SRPK2: variants seen among roughly 807,000 people sequenced by gnomAD.
SRPK2 encodes SFRS protein kinase 2.
In SRPK2, 21 loss-of-function variants were observed where a neutral mutation model predicts 90.8. The ratio of observed to expected loss-of-function variants is 0.23; its 90% confidence interval spans 0.16 to 0.33. The LOEUF is 0.33. SRPK2 is among the 10% of genes least tolerant of loss of function. The pLI, the probability that SRPK2 is intolerant of heterozygous loss-of-function variation, is 1.00. For synonymous variants in SRPK2, 288 were observed against 311.1 expected, an observed-to-expected ratio of 0.93 and a Z score of 0.78; for missense variants, 620 against 869.0, an observed-to-expected ratio of 0.71 and a Z score of 3.60.
chr7:105,218,961 G>A (rs557560788), intron 2 of SRPK2, among the ~76,000 whole-genome samples: 1 of 152,092 alleles, frequency 6.6e-6, no homozygotes, highest in South Asian at 2.1e-4. Context: ...AATGAGAATA[G>A]AGAAGAGATG....
At chr7:105,244,690 G>T in intron 2 of SRPK2, 1 of 1,143,162 alleles carries the variant, frequency 8.7e-7, no homozygotes, top group Non-Finnish European at 1.3e-6. Context: ...GCCTCAACAA[G>T]GGCCAAAAGG....
intron 2 of SRPK2, among the ~76,000 whole-genome samples, chr7:105,347,843 C>T (rs1185280264): frequency 6.9e-6 from 1 of 145,162 alleles, no homozygotes; most frequent in African/African-American, 2.6e-5. Flanking sequence ...GGTGACAGGG[C>T]GAGACTCCGT....
intron 2 of SRPK2, among the ~76,000 whole-genome samples, chr7:105,280,781 A>G (rs946852449): frequency 2.0e-5 from 3 of 150,902 alleles, no homozygotes; most frequent in Non-Finnish European, 4.4e-5. Context: ...CCCCGTCTCT[A>G]CTAAAAATAC....
At chr7:105,266,310 C>A (rs1182789348) in intron 2 of SRPK2, among the ~76,000 whole-genome samples, 1 of 152,036 alleles carries the variant, frequency 6.6e-6, no homozygotes, top group Non-Finnish European at 1.5e-5. Flanking sequence ...TAAGCTCTTG[C>A]AAGACTAGCA....
chr7:105,139,550 C>T (rs908910435), intron 11 of SRPK2, among the ~76,000 whole-genome samples: 2 of 152,116 alleles, frequency 1.3e-5, no homozygotes, highest in Non-Finnish European at 2.9e-5. Context: ...TTTGAAGTTT[C>T]CTGTGACACA....
intron 3 of SRPK2, among the ~76,000 whole-genome samples, chr7:105,170,894 A>C (rs1266348001): frequency 9.7e-6 from 1 of 102,914 alleles, no homozygotes; most frequent in East Asian, 2.7e-4. Context: ...AAAGAAAGAA[A>C]GAAAGAAAGA....
chr7:105,177,661 A>G (rs1436522953), intron 3 of SRPK2, among the ~76,000 whole-genome samples: 1 of 152,176 alleles, frequency 6.6e-6, no homozygotes, highest in Non-Finnish European at 1.5e-5. Flanking sequence ...CAGGGAGTTC[A>G]TAGGTTATCA....
intron 3 of SRPK2, among the ~76,000 whole-genome samples, chr7:105,200,909 G>A (rs1272539035): frequency 6.6e-6 from 1 of 152,220 alleles, no homozygotes; most frequent in Non-Finnish European, 1.5e-5. Context: ...GCAACTGGCA[G>A]TACCTGATAA....
At chr7:105,263,863 TTAAA>T in intron 2 of SRPK2, among the ~76,000 whole-genome samples, 1 of 151,888 alleles carries the variant, frequency 6.6e-6, no homozygotes. Flanking sequence ...CTAACAAAAA[TTAAA>T]TAAAGAATTG....
chr7:105,306,010 C>T (rs1363753349), intron 2 of SRPK2, among the ~76,000 whole-genome samples: 1 of 152,142 alleles, frequency 6.6e-6, no homozygotes, highest in African/African-American at 2.4e-5. Flanking sequence ...AGGTGGAGGG[C>T]AGGAAACTAA....
intron 11 of SRPK2, among the ~76,000 whole-genome samples, chr7:105,133,659 G>C (rs1256287679): frequency 6.6e-6 from 1 of 152,140 alleles, no homozygotes; most frequent in Non-Finnish European, 1.5e-5. Flanking sequence ...GATCTCAAGG[G>C]GTAGATGACT....
intron 2 of SRPK2, among the ~76,000 whole-genome samples, chr7:105,307,196 C>T (rs1424425506): frequency 6.6e-6 from 1 of 152,052 alleles, no homozygotes; most frequent in East Asian, 1.9e-4. Context: ...ATTTTTAGTG[C>T]TATTTTGGTA....
chr7:105,255,945 G>A (rs1182528340), intron 2 of SRPK2, among the ~76,000 whole-genome samples: 10 of 150,508 alleles, frequency 6.6e-5, no homozygotes, highest in African/African-American at 2.2e-4. Flanking sequence ...AAAAAAGAGA[G>A]AGAGCGAGAA....
chr7:105,222,839 T>C (rs1457556686), intron 2 of SRPK2, among the ~76,000 whole-genome samples: 1 of 152,246 alleles, frequency 6.6e-6, no homozygotes, highest in Non-Finnish European at 1.5e-5. Context: ...GAGTCGTCTG[T>C]GGAACGACAG....
At chr7:105,191,311 A>ACAAT (rs1204884439) in intron 3 of SRPK2, among the ~76,000 whole-genome samples, 1 of 152,054 alleles carries the variant, frequency 6.6e-6, no homozygotes, top group African/African-American at 2.4e-5. Context: ...ACTCATGCCC[A>ACAAT]CAATCCTAGC....
At chr7:105,170,786 A>AAGGAAGGACGGAC (rs1554435294) in intron 3 of SRPK2, among the ~76,000 whole-genome samples, 1 of 67,586 alleles carries the variant, frequency 1.5e-5, no homozygotes, top group Non-Finnish European at 2.7e-5. Context: ...GAAGGACGGG[A>AAGGAAGGACGGAC]GGGAGGGAGG....
chr7:105,173,925 T>C (rs1328614916), intron 3 of SRPK2, among the ~76,000 whole-genome samples: 1 of 145,956 alleles, frequency 6.9e-6, no homozygotes, highest in Non-Finnish European at 1.5e-5. Flanking sequence ...TGTTGGTGTT[T>C]TTTTTTTTTT....
chr7:105,376,002 T>TA (rs1430036774), intron 2 of SRPK2, among the ~76,000 whole-genome samples: 3 of 132,824 alleles, frequency 2.3e-5, no homozygotes, highest in African/African-American at 8.5e-5. Context: ...TTTTTTTTTT[T>TA]TTTTTTTTTG....
intron 2 of SRPK2, among the ~76,000 whole-genome samples, chr7:105,209,432 T>C (rs570979446): frequency 1.3e-5 from 2 of 152,024 alleles, no homozygotes; most frequent in African/African-American, 2.4e-5. Flanking sequence ...CAGTCCCAGC[T>C]ACTAAGGAGG....
Sources: allele counts gnomAD v4.1 joint callset (sites outside exome capture counted in the v4.1 genomes callset), GRCh38; gene constraint gnomAD v4.1.1; transcripts MANE v1.5; gene names NCBI Gene and HGNC (gene_info 2026-07-23, HGNC 2026-07-21).